Variants in TMEM132D observed in about 807,000 individuals in gnomAD.
The protein encoded by TMEM132D is mature OL transmembrane protein.
In TMEM132D, 21 loss-of-function variants were observed where a neutral mutation model predicts 62.3. The ratio of observed to expected loss-of-function variants is 0.34; its 90% CI spans 0.24 to 0.49. The LOEUF is 0.49. Among genes scored for constraint, TMEM132D ranks in the 20% least tolerant of loss-of-function variants. The pLI is 0.99. For missense variants in TMEM132D, 1,346 were observed against 1,402.8 expected, an observed-to-expected ratio of 0.96 and a Z score of 0.65; for synonymous variants, 621 against 575.6, an observed-to-expected ratio of 1.08 and a Z score of -1.13.
At position 129,531,039 on chromosome 12, in the gene TMEM132D, G is replaced by C; in HGVS notation, c.1115+20C>G. 1.3e-6 allele frequency: 2 copies of C among 1,592,854 alleles called. No homozygotes were observed. Among genetic ancestry groups the C allele is most frequent in the Non-Finnish European group, 1.7e-6 (2 of 1,169,178 alleles). On this transcript the variant is annotated intron_variant, in intron 3 of 8. Transcript: ENST00000422113. ...CATTTGCAGCTGATCTGAATATATC[G>C]GAGGCCAGTTGGGACTCACCTGTTT...
chr12:129,549,598 G>A (rs968866549), intron 2 of TMEM132D, among the ~76,000 whole-genome samples: 3 of 152,170 alleles, frequency 2.0e-5, no homozygotes, highest in Non-Finnish European at 2.9e-5. Context: ...GTGGAACTGT[G>A]AGTCCATTAA....
At chr12:129,682,858 C>CCAA (rs1565947661) in intron 2 of TMEM132D, 1 of 44,414 alleles carries the variant, frequency 2.3e-5, no homozygotes, top group Non-Finnish European at 4.7e-5. Context: ...GACTCCATCT[C>CCAA]TAAAAAAAAA....
At chr12:129,076,374 T>A (rs1662835276) in intron 8 of TMEM132D, among the ~76,000 whole-genome samples, 1 of 152,040 alleles carries the variant, frequency 6.6e-6, no homozygotes, top group African/African-American at 2.4e-5. Context: ...TCATAACACA[T>A]CCTTTGTTAT....
intron 2 of TMEM132D, among the ~76,000 whole-genome samples, chr12:129,617,591 G>A (rs1258936165): frequency 6.6e-6 from 1 of 152,172 alleles, no homozygotes; most frequent in Non-Finnish European, 1.5e-5. Context: ...AGGAGCAGCA[G>A]TGCGGTTCTA....
intron 3 of TMEM132D, among the ~76,000 whole-genome samples, chr12:129,499,259 T>G (rs1348537840): frequency 6.6e-6 from 1 of 152,152 alleles, no homozygotes; most frequent in Non-Finnish European, 1.5e-5. Flanking sequence ...ATGTTGAAGG[T>G]TCACGTGGTC....
chr12:129,771,545 G>A (rs1029244653), intron 1 of TMEM132D, among the ~76,000 whole-genome samples: 1 of 152,190 alleles, frequency 6.6e-6, no homozygotes, highest in Admixed American at 6.5e-5. Flanking sequence ...TTTGCAAACT[G>A]GGGCCATGTA....
intron 1 of TMEM132D, chr12:129,852,881 A>G (rs1378629967): frequency 6.6e-6 from 1 of 152,172 alleles, no homozygotes; most frequent in African/African-American, 2.4e-5. Flanking sequence ...TCTTTGGGAG[A>G]CTTTCCAAAC....
intron 4 of TMEM132D, chr12:129,211,879 T>A (rs1879061746): frequency 1.3e-5 from 2 of 152,246 alleles, no homozygotes; most frequent in African/African-American, 4.8e-5. Flanking sequence ...TATTTCCTGC[T>A]GCCTCTAGGC....
intron 3 of TMEM132D, among the ~76,000 whole-genome samples, chr12:129,351,792 T>C (rs1382676549): frequency 6.6e-6 from 1 of 152,250 alleles, no homozygotes; most frequent in Non-Finnish European, 1.5e-5. Flanking sequence ...CTCAACGCTT[T>C]CTTAAATTGG....
rs559028434 is a variant in TMEM132D at position 129,072,884 on chromosome 12, T to A, written c.*991A>T. On this transcript the variant is annotated 3_prime_UTR_variant, in exon 9 of 9. Transcript: ENST00000422113. ...TACCGCCCATGCCTAGAGACCAGCC[T>A]CTTCAAAGACGGACGGCGTGGGACA... 1 of 152,146 alleles carries A rather than the reference T, an allele frequency of 6.6e-6. No individual in the cohort carries two copies. The highest frequency in any genetic ancestry group is 1.5e-5 in the Non-Finnish European group (1 of 68,024). 9.4% of individuals were successfully genotyped at this position (152,146 alleles called of 1,614,324 possible).
At chr12:129,326,356 A>T (rs1339690287) in intron 4 of TMEM132D, among the ~76,000 whole-genome samples, 2 of 152,192 alleles carry the variant, frequency 1.3e-5, no homozygotes, top group Admixed American at 1.3e-4. Flanking sequence ...GGCTACACTG[A>T]CATTAGACCT....
At chr12:129,098,706 A>G (rs1875192948) in intron 5 of TMEM132D, among the ~76,000 whole-genome samples, 1 of 152,212 alleles carries the variant, frequency 6.6e-6, no homozygotes, top group South Asian at 2.1e-4. Flanking sequence ...TCCTCGCCAA[A>G]GTGACCTTAT....
At chr12:129,343,853 C>T (rs1275555311) in intron 3 of TMEM132D, among the ~76,000 whole-genome samples, 2 of 151,794 alleles carry the variant, frequency 1.3e-5, no homozygotes, top group African/African-American at 4.8e-5. Flanking sequence ...ATTGCTTGAA[C>T]ACAGGAGGCA....
chr12:129,203,369 T>TA (rs1209483750), intron 5 of TMEM132D, among the ~76,000 whole-genome samples: 6 of 152,250 alleles, frequency 3.9e-5, no homozygotes, highest in African/African-American at 1.4e-4. Flanking sequence ...TTAATTTGTT[T>TA]AAGGTTTTTC....
intron 4 of TMEM132D, among the ~76,000 whole-genome samples, chr12:129,230,528 C>T (rs550173910): frequency 1.5e-4 from 23 of 152,336 alleles, no homozygotes; most frequent in African/African-American, 3.4e-4. Context: ...TCTGAAACTA[C>T]GGAGAAATTT....
intron 4 of TMEM132D, among the ~76,000 whole-genome samples, chr12:129,251,408 C>T (rs897643278): frequency 5.4e-5 from 8 of 147,626 alleles, no homozygotes; most frequent in Non-Finnish European, 4.5e-5. Flanking sequence ...GAAGCTGTTA[C>T]GGAGACCCTT....
At chr12:129,077,552 CACAT>C (rs749955321) in intron 8 of TMEM132D, among the ~76,000 whole-genome samples, 2 of 152,096 alleles carry the variant, frequency 1.3e-5, no homozygotes, top group African/African-American at 2.4e-5. Flanking sequence ...ATGCATCACA[CACAT>C]ACACACAACA....
At chr12:129,329,304 A>G (rs1869027023) in intron 4 of TMEM132D, among the ~76,000 whole-genome samples, 1 of 152,132 alleles carries the variant, frequency 6.6e-6, no homozygotes, top group African/African-American at 2.4e-5. Context: ...GATTTTTTCA[A>G]GGGCTGTCTT....
intron 2 of TMEM132D, among the ~76,000 whole-genome samples, chr12:129,686,679 G>T (rs1039075165): frequency 6.6e-6 from 1 of 152,176 alleles, no homozygotes; most frequent in Non-Finnish European, 1.5e-5. Context: ...CTCACATTTT[G>T]CCAAAGCAAA....
Sources: allele counts gnomAD v4.1 joint callset (sites outside exome capture counted in the v4.1 genomes callset), GRCh38; gene constraint gnomAD v4.1.1; transcripts MANE v1.5; gene names NCBI Gene and HGNC (gene_info 2026-07-23, HGNC 2026-07-21).